AP1AR: variants seen among roughly 807,000 people sequenced by gnomAD.
AP1AR encodes adaptor related protein complex 1 associated regulatory protein.
In AP1AR, 29 loss-of-function variants were observed where a neutral mutation model predicts 46.3. That is an observed-to-expected ratio of 0.63 (90% CI 0.47 to 0.85). The LOEUF (loss-of-function observed/expected upper bound fraction) is 0.85. Among genes scored for constraint, AP1AR ranks in the 40% least tolerant of loss-of-function variants. The pLI is 0.00. For missense variants in AP1AR, 357 were observed against 356.3 expected, an observed-to-expected ratio of 1.00 and a Z score of -0.02; for synonymous variants, 122 against 122.9, an observed-to-expected ratio of 0.99 and a Z score of 0.05.
rs1726413285 is a variant in AP1AR, at chr4:112,260,879, A to G, written c.282+17A>G. ...CAAAAAGAGGTAAATTGTCTTTTATATTGCTTAAGTACATGTTATCATAAA... is the reference window on the plus strand; with the variant it reads ...CAAAAAGAGGTAAATTGTCTTTTATGTTGCTTAAGTACATGTTATCATAAA... On this transcript the variant is annotated intron_variant, in intron 5 of 9. Transcript: ENST00000274000. 6.9e-7 allele frequency: 1 copy of G among 1,447,630 alleles called. No homozygotes were observed. Among genetic ancestry groups the G allele is most frequent in the Non-Finnish European group, 9.6e-7 (1 of 1,044,940 alleles). The allele number at this position is 1,447,630 out of a possible 1,614,324, so 89.7% of individuals were successfully genotyped here.
rs559839953 is a variant in AP1AR, at chr4:112,255,024, G to C, written c.159+251G>C. ...CTCCCAGGCTGGAGTGCAGTGGCGG[G>C]ATCTCGGCTCACTGCAAGCTCCGCC... On this transcript the variant is annotated intron_variant, in intron 3 of 9. Coordinates refer to ENST00000274000, the MANE Select transcript of AP1AR (RefSeq NM_018569.6). The C allele has an allele frequency of 4.6e-3, 910 of 198,992 alleles. 8 individuals carry two copies. The highest frequency in any genetic ancestry group is 0.013 in the East Asian group (119 of 9,046). 12.3% of individuals were successfully genotyped at this position (198,992 alleles called of 1,614,324 possible). A position where few individuals can be genotyped will look rare whatever the true frequency, so the allele number is the denominator to read the frequency against.
chr4:112,232,215 C>T, intron 1 of AP1AR, 41 bp downstream of exon 1: 1 of 1,258,474 alleles, frequency 7.9e-7, no homozygotes, highest in Non-Finnish European at 1.0e-6. Context: ...CGTGGCTCCT[C>T]CTCTTCGGCC....
At chr4:112,249,956 G>C (rs563401490) in intron 1 of AP1AR, among the ~76,000 whole-genome samples, 1 of 152,296 alleles carries the variant, frequency 6.6e-6, no homozygotes, top group East Asian at 1.9e-4. Context: ...TTCACAAATT[G>C]TTAGCTCCAA....
intron 1 of AP1AR, among the ~76,000 whole-genome samples, chr4:112,238,145 T>G (rs1292094639): frequency 6.6e-6 from 1 of 152,268 alleles, no homozygotes; most frequent in African/African-American, 2.4e-5. Flanking sequence ...TGGTACCATA[T>G]GTACCATGAT....
At position 112,270,885 on chromosome 4, in the gene AP1AR, A is replaced by G. The variant is rs1726918938; in HGVS notation, c.*2476A>G. Among the ~76,000 whole-genome samples the G allele has an allele frequency of 6.6e-6, 1 of 152,200 alleles. No individual in the cohort carries two copies. Among genetic ancestry groups the G allele is most frequent in the Non-Finnish European group, 1.5e-5 (1 of 68,042 alleles). ...TACAGTCATCATATACACATTTTCA[A>G]ACGATTGCTTTAGTTGCTGTGTAGA... On this transcript the variant is annotated 3_prime_UTR_variant, in exon 10 of 10. Transcript: ENST00000274000.
Position 112,268,679 on chromosome 4 carries a change from A to G in AP1AR, c.*270A>G, listed in dbSNP as rs1726817691. The G allele has an allele frequency of 3.6e-6, 1 of 279,818 alleles. No homozygotes were observed. Among genetic ancestry groups the G allele is most frequent in the Admixed American group, 5.2e-5 (1 of 19,382 alleles). The allele number at this position is 279,818 out of a possible 1,614,324, so 17.3% of individuals were successfully genotyped here. ...ATTTACTTTGTCTTGTCTTTATAGC[A>G]TTTCTGTTTACTATGGTAGATTTCC... On this transcript the variant is annotated 3_prime_UTR_variant, in exon 10 of 10. Coordinates refer to ENST00000274000, the MANE Select transcript of AP1AR (RefSeq NM_018569.6).
At chr4:112,264,231 A>G (rs568873458) in intron 6 of AP1AR, among the ~76,000 whole-genome samples, 9 of 152,156 alleles carry the variant, frequency 5.9e-5, no homozygotes, top group African/African-American at 1.7e-4. Context: ...TTTTACTGTA[A>G]TAGATTATCT....
At chr4:112,243,925 G>T (rs971127154) in intron 1 of AP1AR, among the ~76,000 whole-genome samples, 1 of 152,006 alleles carries the variant, frequency 6.6e-6, no homozygotes, top group Non-Finnish European at 1.5e-5. Context: ...AATTTTCATT[G>T]TTCCATTTCC....
chr4:112,257,923 G>T (rs1726276338), intron 4 of AP1AR, 126 bp downstream of exon 4: 2 of 747,136 alleles, frequency 2.7e-6, no homozygotes, highest in East Asian at 6.5e-5. Context: ...AGAACTTTCA[G>T]ATTTTTCTTT....
chr4:112,265,896 C>T lies in AP1AR; in HGVS notation c.514+89C>T, dbSNP rs916522315. 5 of 798,928 alleles carry T rather than the reference C, an allele frequency of 6.3e-6. No individual in the cohort carries two copies. The African/African-American group carries it at 9.0e-5, about 14-fold the overall frequency. 49.5% of individuals were successfully genotyped at this position (798,928 alleles called of 1,614,324 possible). ...GGCTCTGTTTCTGTAGAAGAACTTT[C>T]TGTTCTTAAATTTGTAATTCCCAGA... On this transcript the variant is annotated intron_variant, in intron 8 of 9. Coordinates refer to ENST00000274000, the MANE Select transcript of AP1AR (RefSeq NM_018569.6).
chr4:112,234,687 AT>A (rs1725167723), intron 1 of AP1AR, among the ~76,000 whole-genome samples: 1 of 144,252 alleles, frequency 6.9e-6, no homozygotes, highest in Non-Finnish European at 1.5e-5. Context: ...AGCTGTTTTG[AT>A]TTTCTTTCAA....
intron 6 of AP1AR, among the ~76,000 whole-genome samples, chr4:112,263,975 C>T (rs1578421538): frequency 6.6e-6 from 1 of 152,136 alleles, no homozygotes; most frequent in East Asian, 1.9e-4. Flanking sequence ...GTATAAAGAT[C>T]ATGTCACATT....
chr4:112,268,467 A>G lies in AP1AR; in HGVS notation c.*58A>G. On this transcript the variant is annotated 3_prime_UTR_variant, in exon 10 of 10. Transcript: ENST00000274000. ...GACCAAATGTTAAAAACCAACTAGA[A>G]TGTATAAGTGATTGTGCTTAGCCTT... The G allele has an allele frequency of 2.0e-6, 3 of 1,493,212 alleles. No homozygotes were observed. Among genetic ancestry groups the G allele is most frequent in the Non-Finnish European group, 2.7e-6 (3 of 1,114,430 alleles). The allele number at this position is 1,493,212 out of a possible 1,614,324, so 92.5% of individuals were successfully genotyped here.
Position 112,253,323 on chromosome 4 carries a change from A to G in AP1AR, c.132+67A>G, listed in dbSNP as rs148904060. 9,018 of 1,195,268 alleles carry G rather than the reference A, an allele frequency of 7.5e-3. 175 individuals are homozygous for G. Among genetic ancestry groups the G allele is most frequent in the South Asian group, 0.059 (4,627 of 78,466 alleles). The allele number at this position is 1,195,268 out of a possible 1,614,324, so 74.0% of individuals were successfully genotyped here. ...AAAGGCGGAAGGGGCTTTTTGTTGT[A>G]AAGAGGGAAAGATCTGGACCCAAAT... On this transcript the variant is annotated intron_variant, in intron 2 of 9. Coordinates refer to ENST00000274000, the MANE Select transcript of AP1AR (RefSeq NM_018569.6).
chr4:112,264,941 C>G, intron 6 of AP1AR, 68 bp from the exon 7 acceptor site: 2 of 1,203,004 alleles, frequency 1.7e-6, no homozygotes, highest in East Asian at 2.5e-5. Context: ...TTTGGTGTTG[C>G]ATGAGTGGTT....
intron 1 of AP1AR, among the ~76,000 whole-genome samples, chr4:112,240,517 C>A (rs1477196488): frequency 6.6e-6 from 1 of 152,228 alleles, no homozygotes; most frequent in Non-Finnish European, 1.5e-5. Flanking sequence ...TGAATGAATA[C>A]CCAGCTCTCA....
At chr4:112,257,109 G>A (rs767087237) in intron 3 of AP1AR, among the ~76,000 whole-genome samples, 9 of 152,112 alleles carry the variant, frequency 5.9e-5, no homozygotes, top group Non-Finnish European at 1.0e-4. Context: ...TAGGAACACT[G>A]GAATACTTAG....
rs781381804 is a variant in AP1AR at position 112,268,831 on chromosome 4, C to T, written c.*422C>T. On this transcript the variant is annotated 3_prime_UTR_variant, in exon 10 of 10. Coordinates refer to ENST00000274000, the MANE Select transcript of AP1AR (RefSeq NM_018569.6). ...ATGTGAAGGAAGCATGAGGAGGGAT[C>T]GTCAGATTCAGATTTAGAATAGTGT... 12 of 152,748 alleles carry T rather than the reference C, an allele frequency of 7.9e-5. No homozygotes were observed. The highest frequency in any genetic ancestry group is 1.2e-4 in the Non-Finnish European group (8 of 68,552). The allele number at this position is 152,748 out of a possible 1,614,324, so 9.5% of individuals were successfully genotyped here.
At chr4:112,237,343 TGATCCCCCC>T (rs986903207) in intron 1 of AP1AR, among the ~76,000 whole-genome samples, 2 of 152,080 alleles carry the variant, frequency 1.3e-5, no homozygotes, top group African/African-American at 4.8e-5. Flanking sequence ...CCTGACCTCG[TGATCCCCCC>T]GTCTCGGCCT....
Sources: allele counts gnomAD v4.1 joint callset (sites outside exome capture counted in the v4.1 genomes callset), GRCh38; gene constraint gnomAD v4.1.1; transcripts MANE v1.5; gene names NCBI Gene and HGNC (gene_info 2026-07-23, HGNC 2026-07-21).